TMEM25: variants seen among roughly 807,000 people sequenced by gnomAD.
The protein encoded by TMEM25 is transmembrane protein 25, also known as 0610039J01Rik.
Under a neutral mutation model 37.0 loss-of-function variants are expected in TMEM25, and 36 were observed. The ratio of observed to expected loss-of-function variants is 0.97; its 90% CI spans 0.75 to 1.28. The LOEUF (loss-of-function observed/expected upper bound fraction) is 1.28. TMEM25 is among the 50% of genes most tolerant of loss of function. The pLI, the probability that TMEM25 is intolerant of heterozygous loss-of-function variation, is 0.00. For missense variants in TMEM25, 444 were observed against 477.9 expected (o/e 0.93, Z 0.66); for synonymous variants, 197 against 203.7 (o/e 0.97, Z 0.28).
At chr11:118,543,735 C>A (rs1002029390) in intron 8 of TMEM25, among the ~76,000 whole-genome samples, 3 of 152,056 alleles carry the variant, frequency 2.0e-5, no homozygotes, top group Non-Finnish European at 2.9e-5. Context: ...GATCCACCCG[C>A]CTCAGCCTCC....
intron 8 of TMEM25, chr11:118,545,081 AT>A: frequency 1.7e-6 from 2 of 1,165,460 alleles, no homozygotes; most frequent in Non-Finnish European, 2.5e-6. Context: ...ACAAGAATTA[AT>A]TTCTTTAAAA....
chr11:118,543,902 A>G (rs1951617457), intron 8 of TMEM25, among the ~76,000 whole-genome samples: 1 of 151,030 alleles, frequency 6.6e-6, no homozygotes, highest in Non-Finnish European at 1.5e-5. Context: ...CACCTCACGG[A>G]TTCAAGTGAT....
intron 8 of TMEM25, among the ~76,000 whole-genome samples, chr11:118,544,287 C>T (rs184126908): frequency 6.6e-6 from 1 of 152,084 alleles, no homozygotes; most frequent in Non-Finnish European, 1.5e-5. Flanking sequence ...AGGTCTGGAG[C>T]CAGACAGCCT....
rs1306593711 is a variant in TMEM25, at chr11:118,541,070, C to T, written c.1028-5049C>T. 1.2e-4 allele frequency among the ~76,000 whole-genome samples: 18 copies of T among 152,078 alleles called. No homozygotes were observed. In the South Asian group the frequency reaches 2.3e-3, roughly 19 times the overall value. On this transcript the variant is annotated intron_variant, in intron 8 of 8. Coordinates refer to the TMEM25 transcript ENST00000354284. The stretch of plus-strand genomic sequence containing the variant: ...TGTGAACATACTAAAAACACTTACA[C>T]GAGGATGAACTTATGGTATGTGAGT...
chr11:118,546,151 A>C (rs1434431808), exon 9 of TMEM25: 2 of 718,446 alleles, frequency 2.8e-6, no homozygotes, highest in African/African-American at 3.5e-5. Flanking sequence ...CGCATAACAG[A>C]GGGAAGACCA....
intron 8 of TMEM25, chr11:118,544,861 C>T (rs1345535178): frequency 3.1e-6 from 4 of 1,279,872 alleles, no homozygotes; most frequent in East Asian, 2.3e-5. Context: ...ATCTGTCCAT[C>T]TCAGCTGGGG....
rs1555060057 is a variant in TMEM25 at position 118,532,937 on chromosome 11, G to T, written c.403G>T (p.Val135Phe). Residue 135 changes from valine to phenylalanine, a missense_variant, in exon 4 of 9, where the codon GTC becomes TTC. By Grantham distance (50) the Val-to-Phe change is conservative (BLOSUM62 -1). Coordinates refer to ENST00000313236, the MANE Select transcript of TMEM25 (RefSeq NM_032780.4). Reference protein sequence around the residue: ...NVQFKPEIAQVGAKYQEAQGP... With the variant: ...NVQFKPEIAQFGAKYQEAQGP... The stretch of plus-strand genomic sequence containing the variant: ...ACCAGTCAAGCCAGAGATTGCCCAA[G>T]TCGGCGCCAAGTACCAGGAAGCTCA... 1.9e-6 allele frequency: 3 copies of T among 1,613,764 alleles called. No homozygotes were observed. The highest frequency in any genetic ancestry group is 1.1e-5 in the South Asian group (1 of 91,038).
At chr11:118,539,010 T>G (rs1951544830), downstream of TMEM25, among the ~76,000 whole-genome samples, 1 of 152,162 alleles carries the variant, frequency 6.6e-6, no homozygotes, top group Non-Finnish European at 1.5e-5. Flanking sequence ...ATTAATCCCC[T>G]GTTGGATGAA....
downstream of TMEM25, among the ~76,000 whole-genome samples, chr11:118,537,065 G>C (rs983080275): frequency 2.6e-5 from 4 of 152,184 alleles, no homozygotes; most frequent in Non-Finnish European, 5.9e-5. Flanking sequence ...GAGGGGGCAG[G>C]CATGGTGGCT....
intron 6 of TMEM25, 33 bp from the exon 7 acceptor site, chr11:118,533,996 T>A (rs782401927): frequency 1.2e-6 from 2 of 1,613,434 alleles, no homozygotes; most frequent in Non-Finnish European, 1.7e-6. Context: ...GTGCCGGGAC[T>A]CATATCCATC....
Position 118,535,677 on chromosome 11 carries a change from A to G in TMEM25, c.*1097A>G, listed in dbSNP as rs1951495823. 2 of 1,478,472 alleles carry G rather than the reference A, an allele frequency of 1.4e-6. No individual in the cohort carries two copies. Among genetic ancestry groups the G allele is most frequent in the Admixed American group, 4.8e-5 (2 of 41,996 alleles). The allele number at this position is 1,478,472 out of a possible 1,614,324, so 91.6% of individuals were successfully genotyped here. A position where few individuals can be genotyped will look rare whatever the true frequency, so the allele number is the denominator to read the frequency against. The stretch of plus-strand genomic sequence containing the variant: ...ACCACATACCCCAAAGTGACCTAAG[A>G]ACACTTTAAAAAGCAACATGTAAAT... On this transcript the variant is annotated 3_prime_UTR_variant, in exon 9 of 9. Coordinates refer to ENST00000313236, the MANE Select transcript of TMEM25 (RefSeq NM_032780.4).
chr11:118,541,049 A>G (rs1555065188), intron 8 of TMEM25, among the ~76,000 whole-genome samples: 1 of 152,188 alleles, frequency 6.6e-6, no homozygotes, highest in Non-Finnish European at 1.5e-5. Flanking sequence ...CAACTTTGTG[A>G]ACATACTAAA....
rs782802854 is a variant in TMEM25 at position 118,532,426 on chromosome 11, G to A, written c.347G>A (p.Arg116Gln). The A allele has an allele frequency of 9.3e-6, 15 of 1,610,738 alleles. No homozygotes were observed. The highest frequency in any genetic ancestry group is 7.7e-5 in the South Asian group (7 of 91,028). ...NCSLQDPRSG[R>Q]SANASVILNV... ...TCTCTGCAGGACCCCAGAAGTGGCC[G>A]ATCAGCCAACGCCTCTGTCATCCTT... The change falls in exon 3 of 9, where the codon CGA (arginine) becomes CAA (glutamine). Residue 116 changes from arginine to glutamine, a missense_variant. Physicochemically the swap from Arg to Gln is conservative, Grantham distance 43. Coordinates refer to ENST00000313236, the MANE Select transcript of TMEM25 (RefSeq NM_032780.4).
chr11:118,546,579 A>G (rs79732776), downstream of TMEM25: 1,042 of 181,352 alleles, frequency 5.7e-3, 6 homozygotes, highest in African/African-American at 0.023. Flanking sequence ...GAACTATGAA[A>G]TAATACATTT....
intron 8 of TMEM25, chr11:118,546,007 C>G: frequency 1.4e-6 from 1 of 719,344 alleles, no homozygotes; most frequent in Non-Finnish European, 2.6e-6. Flanking sequence ...TTCCTAACTC[C>G]CTGTACTTCA....
Position 118,534,062 on chromosome 11 carries a change from C to T in TMEM25, c.870C>T (p.Arg290=). 2 of 1,614,174 alleles carry T rather than the reference C, an allele frequency of 1.2e-6. No homozygotes were observed. Among genetic ancestry groups the T allele is most frequent in the South Asian group, 1.1e-5 (1 of 91,074 alleles). The change falls in exon 7 of 9, where the codon CGC becomes CGT. Residue 290 remains arginine, a synonymous_variant. Coordinates refer to ENST00000313236, the MANE Select transcript of TMEM25 (RefSeq NM_032780.4). This position sits in a 1 kb window ranked among gnomAD's most constrained non-coding sequence, Gnocchi z 4.6. ...DSNNLKLNNV[R]LPRENMSLPS... The stretch of plus-strand genomic sequence containing the variant: ...ACAACCTAAAACTCAACAACGTGCG[C>T]CTGCCACGGGAGAACATGTCCCTCC...
intron 4 of TMEM25, 55 bp downstream of exon 4, chr11:118,533,262 G>T: frequency 6.4e-7 from 1 of 1,557,126 alleles, no homozygotes; most frequent in Non-Finnish European, 8.6e-7. Context: ...CAGGGGTCCC[G>T]TCCCCATACA....
chr11:118,533,401 C>A lies in TMEM25; in HGVS notation c.674-19C>A, dbSNP rs782606258. 1 of 1,612,846 alleles carries A rather than the reference C, an allele frequency of 6.2e-7. No homozygotes were observed. Among genetic ancestry groups the A allele is most frequent in the South Asian group, 1.1e-5 (1 of 90,970 alleles). On this transcript the variant is annotated intron_variant, in intron 4 of 8. Coordinates refer to ENST00000313236, the MANE Select transcript of TMEM25 (RefSeq NM_032780.4). ...GGGGCACTACCCACTTGGGACCTGA[C>A]ACAGAGGACATCCTCCAGGGCTTCT...
intron 8 of TMEM25, chr11:118,545,298 T>A (rs1390978212): frequency 2.4e-6 from 2 of 848,632 alleles, no homozygotes; most frequent in African/African-American, 3.4e-5. Context: ...CGAAGGTAAC[T>A]GGGCAGAGAC....
Sources: gnomAD v4.1 joint callset for allele counts (sites outside exome capture counted in the v4.1 genomes callset) on GRCh38, gnomAD v4.1.1 for gene constraint, Gnocchi (gnomAD v3.1) non-coding constraint, MANE v1.5 for transcripts, NCBI Gene and HGNC (gene_info 2026-07-23, HGNC 2026-07-21) for gene names.